Variants in CALD1 observed in about 807,000 individuals in gnomAD.
The protein encoded by CALD1 is caldesmon.
A neutral mutation model predicts 99.9 loss-of-function variants in CALD1; 33 were observed. The ratio of observed to expected loss-of-function variants is 0.33; its 90% CI spans 0.25 to 0.44. The LOEUF (loss-of-function observed/expected upper bound fraction) is 0.44. Ranked by LOEUF, CALD1 falls within the 20% of genes least tolerant of loss-of-function variation. The probability of loss-of-function intolerance (pLI) is 1.00; values close to 1 mark genes in which losing one functional copy is unlikely to be tolerated. For synonymous variants in CALD1, 310 were observed against 325.0 expected, an observed-to-expected ratio of 0.95 and a Z score of 0.50; for missense variants, 861 against 962.1, an observed-to-expected ratio of 0.89 and a Z score of 1.39.
intron 1 of CALD1, among the ~76,000 whole-genome samples, chr7:134,767,861 T>G (rs1016015536): frequency 6.6e-6 from 1 of 152,226 alleles, no homozygotes; most frequent in Non-Finnish European, 1.5e-5. Flanking sequence ...GGACAGAACC[T>G]AACACTAAGC....
chr7:134,796,801 G>T (rs1797760543), intron 1 of CALD1, among the ~76,000 whole-genome samples: 1 of 152,118 alleles, frequency 6.6e-6, no homozygotes, highest in African/African-American at 2.4e-5. Context: ...TGCCCAGGTT[G>T]GTCTTGAACT....
chr7:134,935,039 A>C (rs1411482234), intron 5 of CALD1, among the ~76,000 whole-genome samples: 1 of 152,222 alleles, frequency 6.6e-6, no homozygotes, highest in Non-Finnish European at 1.5e-5. Context: ...GTAGACTTGC[A>C]GAAAGCCATT....
chr7:134,734,462 G>A, the CALD1 span, among the ~76,000 whole-genome samples: 1 of 152,162 alleles, frequency 6.6e-6, no homozygotes, highest in Middle Eastern at 3.2e-3. Flanking sequence ...GGCTATCTGC[G>A]AAAAGAGTGT....
At chr7:134,771,227 T>G (rs186469879) in intron 1 of CALD1, among the ~76,000 whole-genome samples, 33 of 152,312 alleles carry the variant, frequency 2.2e-4, no homozygotes, top group Admixed American at 7.8e-4. Flanking sequence ...TTTGCAAATG[T>G]GCATCTCAAG....
At chr7:134,961,753 G>A (rs1480777393) in intron 13 of CALD1, 1 of 152,062 alleles carries the variant, frequency 6.6e-6, no homozygotes, top group Non-Finnish European at 1.5e-5. Flanking sequence ...CCTCTCAATA[G>A]GTACAAGAAT....
At chr7:134,787,075 T>C (rs530614729) in intron 1 of CALD1, among the ~76,000 whole-genome samples, 1 of 152,356 alleles carries the variant, frequency 6.6e-6, no homozygotes, top group South Asian at 2.1e-4. Flanking sequence ...AGTAGATGTA[T>C]GTAGTTACTT....
intron 1 of CALD1, among the ~76,000 whole-genome samples, chr7:134,762,165 G>T (rs772188866): frequency 1.2e-4 from 18 of 152,222 alleles, no homozygotes; most frequent in Admixed American, 2.0e-4. Flanking sequence ...GAGGAAGAAG[G>T]CTGGTCCAAA....
rs114535215 is a variant in CALD1, at chr7:134,962,503, T to C, written c.2295+1875T>C. 5.6e-3 allele frequency: 1,243 copies of C among 221,596 alleles called. 19 individuals are homozygous for C. The highest frequency in any genetic ancestry group is 0.027 in the African/African-American group (1,187 of 44,154). The allele number at this position is 221,596 out of a possible 1,614,324, so 13.7% of individuals were successfully genotyped here. On this transcript the variant is annotated intron_variant, in intron 13 of 14. Transcript: ENST00000361675. ...AAGGAAAGAAGAACATGGCAGTTAG[T>C]ATAGATTTTAGTGAGATCCTTCTTC...
chr7:134,889,142 G>A (rs1017652645), intron 3 of CALD1, among the ~76,000 whole-genome samples: 2 of 152,308 alleles, frequency 1.3e-5, no homozygotes, highest in Non-Finnish European at 2.9e-5. Context: ...GGCTTTAAAC[G>A]ACACAACTTA....
At chr7:134,858,420 G>T (rs567167590) in intron 2 of CALD1, among the ~76,000 whole-genome samples, 47 of 152,100 alleles carry the variant, frequency 3.1e-4, no homozygotes, top group Non-Finnish European at 5.9e-4. Flanking sequence ...CATGCTTTGA[G>T]ATGCTGACCC....
At chr7:134,947,849 C>G (rs1231288813) in intron 8 of CALD1, 80 bp downstream of exon 8, 1 of 1,493,152 alleles carries the variant, frequency 6.7e-7, no homozygotes, top group Non-Finnish European at 9.0e-7. Context: ...TGAGCATGGG[C>G]TCTCAAAAAT....
chr7:134,889,034 T>C (rs747413800), intron 3 of CALD1, among the ~76,000 whole-genome samples: 1 of 152,314 alleles, frequency 6.6e-6, no homozygotes, highest in Non-Finnish European at 1.5e-5. Context: ...GCCAAAACCA[T>C]ACCTGTCACC....
At chr7:134,797,066 C>T (rs1797773221) in intron 1 of CALD1, among the ~76,000 whole-genome samples, 1 of 151,940 alleles carries the variant, frequency 6.6e-6, no homozygotes, top group South Asian at 2.1e-4. Flanking sequence ...GCTCTGTCGC[C>T]CAGGCTTGAA....
At chr7:134,757,555 A>G (rs1402657224) in intron 1 of CALD1, among the ~76,000 whole-genome samples, 1 of 152,160 alleles carries the variant, frequency 6.6e-6, no homozygotes, top group African/African-American at 2.4e-5. Context: ...TTTGTCTTAC[A>G]AGAGTTCAAA....
intron 9 of CALD1, among the ~76,000 whole-genome samples, chr7:134,952,746 C>T (rs574769132): frequency 9.9e-5 from 15 of 151,990 alleles, no homozygotes; most frequent in African/African-American, 1.4e-4. Flanking sequence ...TGGGATTACA[C>T]GCATGAGCCA....
At position 134,944,967 on chromosome 7, in the gene CALD1, T is replaced by C. The variant is rs187820194; in HGVS notation, c.1533-2541T>C. Among the ~76,000 whole-genome samples, 412 of 152,330 alleles carry C rather than the reference T, an allele frequency of 2.7e-3. 5 individuals are homozygous for C. The highest frequency in any genetic ancestry group is 9.5e-3 in the African/African-American group (394 of 41,586). Reference sequence around the variant, plus strand: ...TCAGTGTTCTAACTGTATCATACAGTAAATTTATTAAAGAAACTCAGGGGT... The same window carrying C: ...TCAGTGTTCTAACTGTATCATACAGCAAATTTATTAAAGAAACTCAGGGGT... On this transcript the variant is annotated intron_variant, in intron 7 of 14. Transcript: ENST00000361675.
In CALD1 at chr7:134,895,298, A is replaced by G. The variant is rs868451542; in HGVS notation, c.71+27494A>G. 6.0e-4 allele frequency among the ~76,000 whole-genome samples: 83 copies of G among 138,720 alleles called. No individual in the cohort carries two copies. In the Middle Eastern group the frequency reaches 0.011, roughly 19 times the overall value. 91.0% of individuals were successfully genotyped at this position (138,720 alleles called of 152,430 possible). ...ATGCTAAATTTGGTTTTATATATGT[A>G]TGTGTGTGTGTGTGTGTGTGTGTGT... On this transcript the variant is annotated intron_variant, in intron 3 of 14. Coordinates refer to ENST00000361675, the MANE Select transcript of CALD1 (RefSeq NM_033138.4).
rs555035097 is a variant in CALD1, at chr7:134,772,859, G to A, written c.-130+28496G>A. 2.0e-5 allele frequency among the ~76,000 whole-genome samples: 3 copies of A among 152,058 alleles called. No homozygotes were observed. In the South Asian group the frequency reaches 6.2e-4, roughly 32 times the overall value. Reference sequence around the variant, plus strand: ...CCGTCTCTAATGGTTGTTTCTTAATGAGCCATACAGCTATTGTCCTGGGAT... The same window carrying A: ...CCGTCTCTAATGGTTGTTTCTTAATAAGCCATACAGCTATTGTCCTGGGAT... On this transcript the variant is annotated intron_variant, in intron 1 of 13. Coordinates refer to the CALD1 transcript ENST00000417172.
intron 2 of CALD1, among the ~76,000 whole-genome samples, chr7:134,852,218 A>G (rs3800735): frequency 0.73 from 111,072 of 151,952 alleles, 41,013 homozygotes; most frequent in East Asian, 0.98. Flanking sequence ...GCTGGACTCT[A>G]GAAAAATATA....
Sources: allele counts gnomAD v4.1 joint callset (sites outside exome capture counted in the v4.1 genomes callset), GRCh38; gene constraint gnomAD v4.1.1; transcripts MANE v1.5; gene names NCBI Gene and HGNC (gene_info 2026-07-23, HGNC 2026-07-21).